PPEF1: variants seen among roughly 807,000 people sequenced by gnomAD.
PPEF1 encodes serine/threonine-protein phosphatase with EF-hands 1.
PPEF1 carries 12 observed loss-of-function variants against 53.3 expected under a neutral mutation model. That is an observed-to-expected ratio of 0.23 (90% confidence interval 0.14 to 0.36). The LOEUF (loss-of-function observed/expected upper bound fraction) is 0.36, where lower values mean the gene tolerates loss of function less well. Among genes scored for constraint, PPEF1 ranks in the 10% least tolerant of loss-of-function variants. PPEF1 has a pLI of 1.00. For missense variants in PPEF1, 334 were observed against 490.4 expected (o/e 0.68, Z 3.01); for synonymous variants, 165 against 176.7 (o/e 0.93, Z 0.52).
intron 2 of PPEF1, among the ~76,000 whole-genome samples, chrX:18,685,467 C>T (rs369358239): frequency 2.7e-5 from 3 of 111,055 alleles, no homozygotes; most frequent in South Asian, 3.8e-4. Context: ...GGGTGGATCA[C>T]GAGGTCAGGA....
At chrX:18,807,015 GTTTGT>G (rs1257381822) in intron 12 of PPEF1, among the ~76,000 whole-genome samples, 87 of 22,690 alleles carry the variant, frequency 3.8e-3, no homozygotes, top group African/African-American at 9.0e-3. Context: ...TTTTTTTTTT[GTTTGT>G]TTTTTTTCAT....
chrX:18,726,678 C>T (rs1243130583), intron 1 of PPEF1, among the ~76,000 whole-genome samples: 2 of 105,983 alleles, frequency 1.9e-5, no homozygotes, highest in Non-Finnish European at 3.9e-5. Context: ...TTTTTTTAAT[C>T]GAAATGGAGT....
chrX:18,809,868 G>A (rs2046769112), intron 12 of PPEF1, among the ~76,000 whole-genome samples: 1 of 111,402 alleles, frequency 9.0e-6, no homozygotes, highest in Non-Finnish European at 1.9e-5. Context: ...GACAAATACT[G>A]TATGACATCA....
intron 4 of PPEF1, among the ~76,000 whole-genome samples, chrX:18,750,583 G>T (rs190123169): frequency 9.0e-6 from 1 of 111,444 alleles, no homozygotes; most frequent in Non-Finnish European, 1.9e-5. Flanking sequence ...CCACCTTTTG[G>T]CTATTGTGAA....
chrX:18,706,321 A>G (rs1020441659), upstream of PPEF1, among the ~76,000 whole-genome samples: 2 of 109,983 alleles, frequency 1.8e-5, no homozygotes, highest in African/African-American at 6.6e-5. Flanking sequence ...GTGACAGTAT[A>G]CTATGGAAAG....
intron 13 of PPEF1, among the ~76,000 whole-genome samples, chrX:18,821,017 A>T (rs1005578380): frequency 9.2e-6 from 1 of 108,970 alleles, no homozygotes; most frequent in Admixed American, 9.9e-5. Flanking sequence ...AGGTCAGGAG[A>T]TGGAGACCAT....
At position 18,724,815 on chromosome X, in the gene PPEF1, T is replaced by A. The variant is rs191169777; in HGVS notation, c.47-5366T>A. Among the ~76,000 whole-genome samples the A allele has an allele frequency of 6.6e-3, 729 of 110,859 alleles. 7 individuals carry two copies. Among genetic ancestry groups the A allele is most frequent in the African/African-American group, 0.023 (686 of 30,455 alleles). ...GGCCAGCAACCCCTCGGGTAGGGTC[T>A]ATCATGCCTGCATTCTACCCTTTGC... is the stretch of plus-strand genomic sequence containing the variant. On this transcript the variant is annotated intron_variant, in intron 1 of 15. Transcript: ENST00000470157.
At chrX:18,724,777 G>A (rs745548253) in intron 1 of PPEF1, among the ~76,000 whole-genome samples, 1 of 110,910 alleles carries the variant, frequency 9.0e-6, no homozygotes, top group Non-Finnish European at 1.9e-5. Flanking sequence ...TGGGCAGGGT[G>A]GGGGGTTATG....
chrX:18,813,005 G>A (rs184997689), intron 12 of PPEF1, among the ~76,000 whole-genome samples: 117 of 111,599 alleles, frequency 1.0e-3, no homozygotes, highest in Non-Finnish European at 1.8e-3. Flanking sequence ...TTCCCAAAGT[G>A]CTGGGATTAC....
intron 6 of PPEF1, among the ~76,000 whole-genome samples, chrX:18,766,065 CAAAAAAA>C (rs61277288): frequency 0.028 from 1,806 of 63,926 alleles, 48 homozygotes; most frequent in African/African-American, 0.098. Flanking sequence ...AACTCTGTCT[CAAAAAAA>C]AAAAAAAAAA....
chrX:18,695,578 T>C (rs1273357246), intron 4 of PPEF1, among the ~76,000 whole-genome samples: 1 of 111,357 alleles, frequency 9.0e-6, no homozygotes, highest in Non-Finnish European at 1.9e-5. Flanking sequence ...AGAGAAAGAG[T>C]AGAGTGGGTA....
chrX:18,782,433 A>G (rs1399357916), intron 8 of PPEF1, 31 bp downstream of exon 8: 1 of 976,235 alleles, frequency 1.0e-6, no homozygotes, highest in Admixed American at 3.1e-5. Flanking sequence ...TTTTTTTAGT[A>G]TTCACTTTGC....
intron 1 of PPEF1, among the ~76,000 whole-genome samples, chrX:18,715,110 C>T (rs772199445): frequency 1.5e-4 from 17 of 111,949 alleles, no homozygotes; most frequent in East Asian, 2.8e-4. Context: ...CGGTGACTCA[C>T]GCCTGTAATC....
intron 13 of PPEF1, 60 bp from the exon 14 acceptor site, chrX:18,823,863 T>C: frequency 2.6e-6 from 3 of 1,144,157 alleles, no homozygotes; most frequent in South Asian, 2.0e-5. Context: ...CCCAAGGAGG[T>C]TGCATTCTTT....
rs748843575 is a variant in PPEF1, at chrX:18,715,000, C to T, written c.46+7174C>T. Among the ~76,000 whole-genome samples the T allele has an allele frequency of 5.4e-4, 60 of 111,901 alleles. 1 individual carries two copies. Among genetic ancestry groups the T allele is most frequent in the African/African-American group, 1.6e-3 (50 of 30,813 alleles). The stretch of plus-strand genomic sequence containing the variant: ...ACAGTACTCTGCCTCTGGAGTATCA[C>T]GGCAGTTTGAGAAAGCGTAACCTAC... On this transcript the variant is annotated intron_variant, in intron 1 of 15. Coordinates refer to ENST00000470157, the MANE Select transcript of PPEF1 (RefSeq NM_001377996.1).
chrX:18,679,130 G>A (rs903171005), upstream of PPEF1, among the ~76,000 whole-genome samples: 1 of 112,268 alleles, frequency 8.9e-6, no homozygotes, highest in Non-Finnish European at 1.9e-5. Flanking sequence ...CTGGAGTGCA[G>A]CAGCGCCATC....
intron 12 of PPEF1, among the ~76,000 whole-genome samples, chrX:18,817,348 A>AT (rs1333994197): frequency 1.7e-4 from 18 of 106,035 alleles, no homozygotes; most frequent in South Asian, 1.6e-3. Context: ...ATATTTATGA[A>AT]TTTTTTTTTT....
rs767580638 is a variant in PPEF1 at position 18,782,352 on chromosome X, C to T, written c.726-14C>T. ...TATCAACAATCAAATCATTTAAATC[C>T]CATTTTTTTTTAGGTATGGCTTCAC... is the stretch of plus-strand genomic sequence containing the variant. On this transcript the variant is annotated splice_polypyrimidine_tract_variant and intron_variant, in intron 7 of 15. Transcript: ENST00000470157. 1.7e-6 allele frequency: 2 copies of T among 1,157,163 alleles called. No individual in the cohort carries two copies. The highest frequency in any genetic ancestry group is 2.3e-6 in the Non-Finnish European group (2 of 856,021).
intron 1 of PPEF1, among the ~76,000 whole-genome samples, chrX:18,709,816 G>C (rs1328851549): frequency 1.8e-5 from 2 of 111,854 alleles, no homozygotes; most frequent in Non-Finnish European, 3.8e-5. Context: ...CTTTTTGACT[G>C]TTATGAACAA....
Sources: gnomAD v4.1 joint callset for allele counts (sites outside exome capture counted in the v4.1 genomes callset) on GRCh38, gnomAD v4.1.1 for gene constraint, MANE v1.5 for transcripts, NCBI Gene and HGNC (gene_info 2026-07-23, HGNC 2026-07-21) for gene names.